The following UNC13C variants were observed in gnomAD, a reference collection of about 807,000 sequenced individuals.
UNC13C encodes unc-13 homolog C.
A neutral mutation model predicts 245.4 loss-of-function variants in UNC13C; 174 were observed. The observed-to-expected ratio is 0.71, with a 90% confidence interval of 0.63 to 0.80. The LOEUF is 0.80. Among genes scored for constraint, UNC13C ranks in the 30% least tolerant of loss-of-function variants. UNC13C has a pLI of 0.00. For missense variants in UNC13C, 2,829 were observed against 2,602.9 expected (o/e 1.09, Z -1.89); for synonymous variants, 992 against 895.1 (o/e 1.11, Z -1.93).
At position 54,393,192 on chromosome 15, in the gene UNC13C, T is replaced by G. The variant is rs1291588346; in HGVS notation, c.4847+11T>G. On this transcript the variant is annotated intron_variant, in intron 18 of 32. Coordinates refer to ENST00000260323, the MANE Select transcript of UNC13C (RefSeq NM_001080534.3). ...ACCTGTCCTGAATCAGTAAGTACAA[T>G]GTTTTGGAAATGAATGGATTTTATT... 1 of 1,539,158 alleles carries G rather than the reference T, an allele frequency of 6.5e-7. No individual in the cohort carries two copies. Among genetic ancestry groups the G allele is most frequent in the Non-Finnish European group, 8.7e-7 (1 of 1,145,094 alleles).
chr15:54,417,886 T>C (rs1322490004), intron 19 of UNC13C, among the ~76,000 whole-genome samples: 1 of 152,110 alleles, frequency 6.6e-6, no homozygotes, highest in African/African-American at 2.4e-5. Flanking sequence ...AGCCAGGCAG[T>C]TGTACATTGT....
the UNC13C span, among the ~76,000 whole-genome samples, chr15:53,891,726 T>C: frequency 9.8e-5 from 15 of 152,290 alleles, no homozygotes; most frequent in Middle Eastern, 6.8e-3. Context: ...AATATTCCTC[T>C]GTCCCTTTAT....
chr15:54,258,661 T>C (rs1400745993), intron 8 of UNC13C, among the ~76,000 whole-genome samples: 1 of 152,024 alleles, frequency 6.6e-6, no homozygotes, highest in African/African-American at 2.4e-5. Context: ...GAGCCACCAC[T>C]CCTGGCCTGA....
chr15:54,449,623 C>T (rs1891053714), intron 19 of UNC13C, among the ~76,000 whole-genome samples: 1 of 152,214 alleles, frequency 6.6e-6, no homozygotes, highest in East Asian at 1.9e-4. Flanking sequence ...TTTTCAGCTC[C>T]ATCAGGTCCT....
At chr15:54,375,619 G>A (rs1175649976) in intron 17 of UNC13C, among the ~76,000 whole-genome samples, 1 of 152,198 alleles carries the variant, frequency 6.6e-6, no homozygotes, top group African/African-American at 2.4e-5. Context: ...ATTTAATCAG[G>A]TGAGCTCTTT....
At chr15:54,430,919 A>T (rs138313365) in intron 19 of UNC13C, among the ~76,000 whole-genome samples, 463 of 151,808 alleles carry the variant, frequency 3.0e-3, no homozygotes, top group African/African-American at 0.01. Context: ...TAGTGATCCA[A>T]GTCTTCCCAC....
chr15:54,308,297 A>T lies in UNC13C; in HGVS notation c.4268+7924A>T, dbSNP rs570673177. On this transcript the variant is annotated intron_variant, in intron 13 of 32. Transcript: ENST00000260323. ...TTAGACCAATAATATTTTGACTATT[A>T]ATGGTTAATAACTTTGTAGCAGTTG... Among the ~76,000 whole-genome samples, 13 of 152,046 alleles carry T rather than the reference A, an allele frequency of 8.6e-5. No homozygotes were observed. In the South Asian group the frequency reaches 1.4e-3, roughly 17 times the overall value.
intron 18 of UNC13C, among the ~76,000 whole-genome samples, chr15:54,398,463 TAGAA>T (rs2040116257): frequency 6.6e-6 from 1 of 151,356 alleles, no homozygotes; most frequent in Admixed American, 6.6e-5. Flanking sequence ...GATGGTTTTA[TAGAA>T]AGAGTTAGAC....
intron 23 of UNC13C, among the ~76,000 whole-genome samples, chr15:54,510,845 AATCAAT>A (rs1404844590): frequency 6.6e-6 from 1 of 152,134 alleles, no homozygotes; most frequent in African/African-American, 2.4e-5. Context: ...GGCTCTTAGG[AATCAAT>A]ATACAGCAAA....
the UNC13C span, among the ~76,000 whole-genome samples, chr15:53,910,540 C>T: frequency 1.4e-5 from 2 of 146,572 alleles, no homozygotes; most frequent in Non-Finnish European, 3.1e-5. Flanking sequence ...ATGGTGGGTG[C>T]GCTGGCGCCC....
chr15:54,380,252 G>A (rs2039694848), intron 17 of UNC13C, among the ~76,000 whole-genome samples: 1 of 151,434 alleles, frequency 6.6e-6, no homozygotes, highest in Non-Finnish European at 1.5e-5. Context: ...TTCTGTGCCT[G>A]GCTTAATCCC....
At chr15:54,512,072 C>T (rs923179607) in intron 24 of UNC13C, among the ~76,000 whole-genome samples, 30 of 152,086 alleles carry the variant, frequency 2.0e-4, no homozygotes, top group South Asian at 6.2e-4. Context: ...TCTGTGTGTG[C>T]GCATGTATGT....
intron 19 of UNC13C, among the ~76,000 whole-genome samples, chr15:54,459,998 T>C (rs7175928): frequency 0.026 from 4,033 of 152,258 alleles, 171 homozygotes; most frequent in African/African-American, 0.091. Flanking sequence ...CAGAATTACT[T>C]TTCTGGTTCC....
At chr15:54,143,774 G>A (rs2141238272) in intron 4 of UNC13C, 90 bp downstream of exon 4, 4 of 885,950 alleles carry the variant, frequency 4.5e-6, no homozygotes, top group East Asian at 2.5e-5. Context: ...GCAAGATGCT[G>A]CATGATTAGC....
Position 54,623,969 on chromosome 15 carries a change from C to CACCTT in UNC13C, c.6359+18_6359+22dup. Reference sequence around the variant, plus strand: ...ACATTTCAGTTGTAAGTCATAAACCCACCTTACTTATTCTACCAGGCAATA... The same window carrying CACCTT: ...ACATTTCAGTTGTAAGTCATAAACCCACCTTACCTTACTTATTCTACCAGGCAATA... On this transcript the variant is annotated intron_variant, in intron 32 of 32. Transcript: ENST00000260323. The CACCTT allele has an allele frequency of 1.9e-6, 3 of 1,612,528 alleles. No individual in the cohort carries two copies. The highest frequency in any genetic ancestry group is 2.5e-6 in the Non-Finnish European group (3 of 1,178,966).
the UNC13C span, among the ~76,000 whole-genome samples, chr15:53,857,418 A>T: frequency 6.6e-6 from 1 of 152,228 alleles, no homozygotes. Context: ...CAGAACACAA[A>T]TAGCATGTAT....
Position 54,322,031 on chromosome 15 carries a change from A to C in UNC13C, c.4361A>C (p.His1454Pro). The C allele has an allele frequency of 6.3e-7, 1 of 1,591,786 alleles. No homozygotes were observed. The highest frequency in any genetic ancestry group is 8.6e-7 in the Non-Finnish European group (1 of 1,167,822). Reference protein sequence around the residue: ...LLANINAFYAHTTVSTNIQVS... With the variant: ...LLANINAFYAPTTVSTNIQVS... ...GCTAATATAAATGCTTTTTATGCTC[A>C]CACAACAGTTTCAACAAACATACAG... is the stretch of plus-strand genomic sequence containing the variant. The change falls in exon 14 of 33, where the codon CAC becomes CCC. Residue 1454 changes from histidine (H) to proline (P), a missense_variant. By Grantham distance (77) the His-to-Pro change is moderately conservative. Transcript: ENST00000260323.
chr15:54,211,970 C>A (rs1304534202), intron 4 of UNC13C, among the ~76,000 whole-genome samples: 1 of 152,068 alleles, frequency 6.6e-6, no homozygotes. Context: ...GGCTTATTCA[C>A]TCCCACGACC....
intron 8 of UNC13C, among the ~76,000 whole-genome samples, chr15:54,250,733 T>TTTCTTTC (rs2036123469): frequency 1.1e-5 from 1 of 87,776 alleles, no homozygotes; most frequent in African/African-American, 6.7e-5. Context: ...CTTTTTTGTC[T>TTTCTTTC]TTTCTTTCTT....
Sources: allele counts gnomAD v4.1 joint callset (sites outside exome capture counted in the v4.1 genomes callset), GRCh38; gene constraint gnomAD v4.1.1; transcripts MANE v1.5; gene names NCBI Gene and HGNC (gene_info 2026-07-23, HGNC 2026-07-21).